Variants in ZCCHC10 observed in about 807,000 individuals in gnomAD.
ZCCHC10 encodes the protein zinc finger CCHC-type containing 10, also known as zinc finger CCHC domain-containing protein 10.
A neutral mutation model predicts 19.5 loss-of-function variants in ZCCHC10; 16 were observed. The observed-to-expected ratio is 0.82, with a 90% CI of 0.56 to 1.25. ZCCHC10 has a LOEUF of 1.25. ZCCHC10 is among the 50% of genes most tolerant of loss of function. ZCCHC10 has a pLI of 0.00. For missense variants in ZCCHC10, 197 were observed against 201.0 expected (o/e 0.98, Z 0.12); for synonymous variants, 67 against 72.5 (o/e 0.92, Z 0.38).
intron 2 of ZCCHC10, among the ~76,000 whole-genome samples, chr5:133,019,471 C>T (rs1355449046): frequency 6.6e-5 from 10 of 152,088 alleles, no homozygotes; most frequent in East Asian, 1.9e-4. Flanking sequence ...AGGCTTTTTA[C>T]GTGAAATGAC....
rs12514790 is a variant in ZCCHC10, at chr5:133,005,441, C to G, written c.269+1318G>C. On this transcript the variant is annotated intron_variant, in intron 3 of 4. Coordinates refer to ENST00000509437, the MANE Select transcript of ZCCHC10 (RefSeq NM_001300816.3). Reference sequence around the variant, plus strand: ...CACCCTGGGCAACATGGCAAAATCCCATCTCTACCAAAAATACAAAAAATT... The same window carrying G: ...CACCCTGGGCAACATGGCAAAATCCGATCTCTACCAAAAATACAAAAAATT... Among the ~76,000 whole-genome samples, 818 of 152,112 alleles carry G rather than the reference C, an allele frequency of 5.4e-3. 5 individuals are homozygous for G. The highest frequency in any genetic ancestry group is 0.028 in the South Asian group (136 of 4,818).
At chr5:133,016,667 T>C (rs1763941254) in intron 2 of ZCCHC10, among the ~76,000 whole-genome samples, 1 of 152,120 alleles carries the variant, frequency 6.6e-6, no homozygotes, top group South Asian at 2.1e-4. Flanking sequence ...GGTCTTGAAC[T>C]CCTGACCTCA....
At chr5:133,025,503 CAAAAAAAAAAAAA>C (rs74843776) in intron 1 of ZCCHC10, among the ~76,000 whole-genome samples, 2,323 of 18,648 alleles carry the variant, frequency 0.12, 82 homozygotes, top group African/African-American at 0.3. Context: ...GACTCCGCCT[CAAAAAAAAAAAAA>C]AAAAAAAAAA....
chr5:133,011,640 A>C lies in ZCCHC10; in HGVS notation c.108-4720T>G, dbSNP rs1049771286. ...GACTCCATCTAAAAAAAAAAAAAAA[A>C]AAAAAAAACCTGACTGAGATAAATT... is the stretch of plus-strand genomic sequence containing the variant. On this transcript the variant is annotated intron_variant, in intron 2 of 4. Coordinates refer to ENST00000509437, the MANE Select transcript of ZCCHC10 (RefSeq NM_001300816.3). Among the ~76,000 whole-genome samples, 54 of 151,088 alleles carry C rather than the reference A, an allele frequency of 3.6e-4. 1 individual carries two copies. Among genetic ancestry groups the C allele is most frequent in the Non-Finnish European group, 5.8e-4 (39 of 67,790 alleles).
chr5:133,013,311 T>A (rs953095174), intron 2 of ZCCHC10, among the ~76,000 whole-genome samples: 1 of 144,320 alleles, frequency 6.9e-6, no homozygotes, highest in Non-Finnish European at 1.5e-5. Context: ...AATAAACATA[T>A]GAAAAAGTAT....
chr5:133,015,744 C>T (rs1234807980), intron 2 of ZCCHC10, among the ~76,000 whole-genome samples: 1 of 137,030 alleles, frequency 7.3e-6, no homozygotes, highest in Non-Finnish European at 1.6e-5. Context: ...GTCAGAACCA[C>T]TCGCCTAGGT....
At chr5:133,000,323 G>A in intron 3 of ZCCHC10, 150 bp from the exon 4 acceptor site, 1 of 856,576 alleles carries the variant, frequency 1.2e-6, no homozygotes, top group Non-Finnish European at 1.7e-6. Context: ...CTTATTATAA[G>A]CAAGTGGAAA....
In ZCCHC10 at chr5:133,006,824, G is replaced by C. The variant is rs565674651; in HGVS notation, c.204C>G (p.Pro68=). The C allele has an allele frequency of 8.1e-6, 13 of 1,611,800 alleles. No individual in the cohort carries two copies. The East Asian group carries it at 2.7e-4, about 33-fold the overall frequency. Residue 68 remains proline, a synonymous_variant, in exon 3 of 5, where the codon CCC becomes CCG. Transcript: ENST00000509437. ...CTTTCTTTAGTTCTGCTGTCCTTGA[G>C]GGCCTATGTAGGTATTTTCTTTTTC... ...CTGKRKYLHR[P]SRTAELKKAL...
chr5:133,019,364 A>G (rs1764142584), intron 2 of ZCCHC10, among the ~76,000 whole-genome samples: 1 of 152,254 alleles, frequency 6.6e-6, no homozygotes, highest in Non-Finnish European at 1.5e-5. Context: ...GAAACAAACA[A>G]GATTACCATT....
chr5:133,004,633 T>C (rs1414211503), intron 3 of ZCCHC10, among the ~76,000 whole-genome samples: 1 of 151,928 alleles, frequency 6.6e-6, no homozygotes, highest in African/African-American at 2.4e-5. Context: ...GGACTACAGG[T>C]GCCCACCACC....
At chr5:133,014,094 T>C (rs1763755366) in intron 2 of ZCCHC10, among the ~76,000 whole-genome samples, 1 of 151,862 alleles carries the variant, frequency 6.6e-6, no homozygotes, top group African/African-American at 2.4e-5. Flanking sequence ...AAACTAGAAC[T>C]TTCTCCTATA....
At chr5:133,025,503 CAAAAAAAAAAA>C (rs74843776) in intron 1 of ZCCHC10, among the ~76,000 whole-genome samples, 192 of 18,680 alleles carry the variant, frequency 0.01, 4 homozygotes, top group African/African-American at 0.023. Flanking sequence ...GACTCCGCCT[CAAAAAAAAAAA>C]AAAAAAAAAA....
chr5:133,024,900 C>T (rs1764567128), intron 1 of ZCCHC10, among the ~76,000 whole-genome samples: 1 of 151,042 alleles, frequency 6.6e-6, no homozygotes, highest in Non-Finnish European at 1.5e-5. Context: ...GAGACTCCGT[C>T]TAAAAAAAAA....
chr5:133,000,251 C>A (rs748960489), intron 3 of ZCCHC10, 78 bp from the exon 4 acceptor site: 3 of 1,504,006 alleles, frequency 2.0e-6, no homozygotes, highest in East Asian at 2.3e-5. Flanking sequence ...TCTACTATCC[C>A]CCAAATCATT....
intron 3 of ZCCHC10, among the ~76,000 whole-genome samples, chr5:133,005,337 G>T (rs1227847098): frequency 6.6e-6 from 1 of 152,062 alleles, no homozygotes; most frequent in Non-Finnish European, 1.5e-5. Flanking sequence ...GGCCAGCTGG[G>T]CATGGTGGCT....
chr5:133,016,635 G>A (rs969520437), intron 2 of ZCCHC10, among the ~76,000 whole-genome samples: 3 of 151,938 alleles, frequency 2.0e-5, no homozygotes, highest in Non-Finnish European at 2.9e-5. Context: ...TAGAGGTGGG[G>A]TTTCACCACA....
intron 2 of ZCCHC10, among the ~76,000 whole-genome samples, chr5:133,008,056 T>C (rs1264718258): frequency 6.6e-6 from 1 of 150,866 alleles, no homozygotes; most frequent in Non-Finnish European, 1.5e-5. Flanking sequence ...AAACCCTGTC[T>C]CTACTAAAAA....
At chr5:133,016,684 C>T (rs1003356356) in intron 2 of ZCCHC10, among the ~76,000 whole-genome samples, 3 of 152,110 alleles carry the variant, frequency 2.0e-5, no homozygotes, top group Admixed American at 6.6e-5. Context: ...CTCAGGTGAT[C>T]TGCCCGCCTC....
At chr5:133,016,323 A>G (rs559716415) in intron 2 of ZCCHC10, among the ~76,000 whole-genome samples, 1 of 152,368 alleles carries the variant, frequency 6.6e-6, no homozygotes, top group Non-Finnish European at 1.5e-5. Context: ...TATATTTAAT[A>G]TTTTGAAAAC....
Sources: gnomAD v4.1 joint callset for allele counts (sites outside exome capture counted in the v4.1 genomes callset) on GRCh38, gnomAD v4.1.1 for gene constraint, MANE v1.5 for transcripts, NCBI Gene and HGNC (gene_info 2026-07-23, HGNC 2026-07-21) for gene names.